Variants in KCNC2 observed in about 807,000 individuals in gnomAD.
KCNC2 encodes the protein voltage-gated potassium channel KCNC2.
Under a neutral mutation model 44.5 loss-of-function variants are expected in KCNC2, and 21 were observed. The observed-to-expected ratio is 0.47, with a 90% CI of 0.33 to 0.68. The LOEUF is 0.68. KCNC2 is among the 30% of genes least tolerant of loss of function. KCNC2 has a pLI of 0.01. For synonymous variants in KCNC2, 391 were observed against 339.1 expected, an observed-to-expected ratio of 1.15 and a Z score of -1.68; for missense variants, 589 against 826.2, an observed-to-expected ratio of 0.71 and a Z score of 3.52.
intron 2 of KCNC2, among the ~76,000 whole-genome samples, chr12:75,172,770 C>CTGAT (rs1891921102): frequency 6.6e-6 from 1 of 151,904 alleles, no homozygotes; most frequent in African/African-American, 2.4e-5. Context: ...AGCTTCCTCT[C>CTGAT]TGATAGGCTG....
At chr12:75,118,038 A>G (rs1264389919) in intron 2 of KCNC2, among the ~76,000 whole-genome samples, 1 of 152,202 alleles carries the variant, frequency 6.6e-6, no homozygotes, top group Admixed American at 6.5e-5. Flanking sequence ...AACAAGACTC[A>G]TCCTTCATTT....
At position 75,042,436 on chromosome 12, in the gene KCNC2, T is replaced by A; in HGVS notation, c.*669A>T. 2 of 1,576,018 alleles carry A rather than the reference T, an allele frequency of 1.3e-6. No homozygotes were observed. The highest frequency in any genetic ancestry group is 8.6e-7 in the Non-Finnish European group (1 of 1,160,862). On this transcript the variant is annotated 3_prime_UTR_variant, in exon 5 of 5. Transcript: ENST00000549446. ...TACAGCATTTTTGAAGAAAAGTAAA[T>A]CAATCAAGAAATTAAACTATTTAAA...
chr12:75,067,265 G>C (rs1270865105), intron 2 of KCNC2, among the ~76,000 whole-genome samples: 5 of 152,110 alleles, frequency 3.3e-5, no homozygotes, highest in African/African-American at 1.2e-4. Flanking sequence ...GTTAGGTCAC[G>C]TGTTTAGAGT....
At chr12:75,144,266 TG>T in intron 2 of KCNC2, among the ~76,000 whole-genome samples, 1 of 152,314 alleles carries the variant, frequency 6.6e-6, no homozygotes, top group Middle Eastern at 3.4e-3. Flanking sequence ...TTGGAAGACA[TG>T]GGTATATTCC....
intron 2 of KCNC2, among the ~76,000 whole-genome samples, chr12:75,094,976 A>T (rs945607678): frequency 5.9e-5 from 9 of 151,826 alleles, no homozygotes; most frequent in African/African-American, 2.2e-4. Flanking sequence ...CAACAGGTAA[A>T]ATAATAAATT....
chr12:75,206,964 G>A (rs2031734723), intron 2 of KCNC2, among the ~76,000 whole-genome samples: 1 of 152,172 alleles, frequency 6.6e-6, no homozygotes, highest in Non-Finnish European at 1.5e-5. Flanking sequence ...AAGGAGTGAG[G>A]GAGAAACTCG....
chr12:75,091,366 C>T (rs1885458999), intron 2 of KCNC2, among the ~76,000 whole-genome samples: 1 of 151,764 alleles, frequency 6.6e-6, no homozygotes, highest in South Asian at 2.1e-4. Context: ...ATGAAGGCAA[C>T]TTGTTATTAG....
chr12:75,158,807 A>C (rs1293000909), intron 2 of KCNC2, among the ~76,000 whole-genome samples: 3 of 151,840 alleles, frequency 2.0e-5, no homozygotes, highest in Admixed American at 1.3e-4. Flanking sequence ...TATCTTCTAC[A>C]GATTTTATTT....
chr12:75,137,324 C>T (rs1889303967), intron 2 of KCNC2, among the ~76,000 whole-genome samples: 1 of 152,116 alleles, frequency 6.6e-6, no homozygotes. Flanking sequence ...TTAACTACCA[C>T]CTATACACAT....
chr12:75,135,777 T>G (rs2137369752), intron 2 of KCNC2, among the ~76,000 whole-genome samples: 1 of 152,152 alleles, frequency 6.6e-6, no homozygotes, highest in South Asian at 2.1e-4. Context: ...ATGCCCTAAC[T>G]TAGATATTTA....
intron 2 of KCNC2, among the ~76,000 whole-genome samples, chr12:75,105,144 T>A (rs1009111074): frequency 4.6e-5 from 7 of 152,132 alleles, no homozygotes; most frequent in African/African-American, 1.4e-4. Flanking sequence ...TGGCTAGATG[T>A]ACAGGGAGTG....
chr12:75,208,239 A>G (rs1395744221), intron 1 of KCNC2, among the ~76,000 whole-genome samples: 4 of 151,816 alleles, frequency 2.6e-5, no homozygotes, highest in Admixed American at 2.6e-4. Flanking sequence ...TTGACCTTTC[A>G]TGACACCGTT....
intron 2 of KCNC2, among the ~76,000 whole-genome samples, chr12:75,163,346 T>C (rs17114754): frequency 0.15 from 22,189 of 151,742 alleles, 1,886 homozygotes; most frequent in Middle Eastern, 0.28. Context: ...GAGGTATTAT[T>C]GTGGAATCAT....
chr12:75,106,518 G>T (rs554112490), intron 2 of KCNC2, among the ~76,000 whole-genome samples: 7 of 152,048 alleles, frequency 4.6e-5, no homozygotes, highest in Non-Finnish European at 1.0e-4. Context: ...AGCAAAAGGA[G>T]GCATTATTAC....
intron 2 of KCNC2, among the ~76,000 whole-genome samples, chr12:75,161,285 A>G (rs892321312): frequency 6.6e-6 from 1 of 151,756 alleles, no homozygotes; most frequent in Non-Finnish European, 1.5e-5. Flanking sequence ...ATCTGTACAT[A>G]TAATACTAGA....
intron 2 of KCNC2, among the ~76,000 whole-genome samples, chr12:75,060,097 C>T (rs1882158941): frequency 6.6e-6 from 1 of 152,132 alleles, no homozygotes; most frequent in Admixed American, 6.6e-5. Context: ...AAGAGAACGT[C>T]AATTTACACT....
At chr12:75,074,502 G>T (rs982491211) in intron 2 of KCNC2, among the ~76,000 whole-genome samples, 17 of 152,130 alleles carry the variant, frequency 1.1e-4, no homozygotes, top group African/African-American at 3.6e-4. Flanking sequence ...ATCATATCAA[G>T]TTTCCTCAAA....
At chr12:75,084,286 TAGATGATA>T (rs1488710600) in intron 2 of KCNC2, among the ~76,000 whole-genome samples, 2 of 128,896 alleles carry the variant, frequency 1.6e-5, no homozygotes, top group Non-Finnish European at 1.6e-5. Context: ...GATAGATAGA[TAGATGATA>T]GATAGATAGA....
intron 2 of KCNC2, among the ~76,000 whole-genome samples, chr12:75,089,095 A>C (rs1885264769): frequency 6.6e-6 from 1 of 151,964 alleles, no homozygotes; most frequent in Non-Finnish European, 1.5e-5. Context: ...TCACAAATTA[A>C]GAATAAATCT....
Sources: allele counts gnomAD v4.1 joint callset (sites outside exome capture counted in the v4.1 genomes callset), GRCh38; gene constraint gnomAD v4.1.1; transcripts MANE v1.5; gene names NCBI Gene and HGNC (gene_info 2026-07-23, HGNC 2026-07-21).